Variants in CHCHD3 observed in about 807,000 individuals in gnomAD.
The protein encoded by CHCHD3 is coiled-coil-helix-coiled-coil-helix domain containing 3, also known as MICOS complex subunit MIC19.
In CHCHD3, 20 loss-of-function variants were observed where a neutral mutation model predicts 38.2. The observed-to-expected ratio is 0.52, with a 90% CI of 0.37 to 0.76. The LOEUF is 0.76. Ranked by LOEUF, CHCHD3 falls within the 30% of genes least tolerant of loss-of-function variation. CHCHD3 has a pLI of 0.00. For missense variants in CHCHD3, 245 were observed against 279.2 expected, an observed-to-expected ratio of 0.88 and a Z score of 0.87; for synonymous variants, 82 against 100.0, an observed-to-expected ratio of 0.82 and a Z score of 1.07.
At chr7:133,000,190 G>A (rs1812529951) in intron 3 of CHCHD3, among the ~76,000 whole-genome samples, 1 of 152,126 alleles carries the variant, frequency 6.6e-6, no homozygotes, top group Non-Finnish European at 1.5e-5. Context: ...CAGAGTCATT[G>A]AGAGTCAATT....
intron 1 of CHCHD3, among the ~76,000 whole-genome samples, chr7:133,079,944 AACTT>A (rs1815119512): frequency 6.6e-6 from 1 of 152,242 alleles, no homozygotes; most frequent in African/African-American, 2.4e-5. Flanking sequence ...GGCTACAAGA[AACTT>A]ACAGTGCCAC....
At chr7:132,833,743 T>C (rs1056770865) in intron 6 of CHCHD3, among the ~76,000 whole-genome samples, 2 of 152,224 alleles carry the variant, frequency 1.3e-5, no homozygotes, top group Admixed American at 1.3e-4. Context: ...TATGAGTTAA[T>C]ATCTTAAGCA....
intron 5 of CHCHD3, among the ~76,000 whole-genome samples, chr7:132,838,835 G>A (rs750966262): frequency 4.6e-5 from 7 of 152,032 alleles, no homozygotes; most frequent in Non-Finnish European, 1.0e-4. Flanking sequence ...ACACACATTC[G>A]TATTTATATA....
At chr7:132,989,736 A>G (rs759654556) in intron 3 of CHCHD3, among the ~76,000 whole-genome samples, 6 of 152,120 alleles carry the variant, frequency 3.9e-5, no homozygotes, top group Non-Finnish European at 5.9e-5. Flanking sequence ...TTCACAACCA[A>G]AACTACCTAG....
intron 2 of CHCHD3, among the ~76,000 whole-genome samples, chr7:133,046,571 G>A (rs55716595): frequency 1.5e-5 from 1 of 68,806 alleles, no homozygotes; most frequent in Non-Finnish European, 3.4e-5. Flanking sequence ...GTATTTTTTT[G>A]GGGGGGGGAG....
intron 3 of CHCHD3, among the ~76,000 whole-genome samples, chr7:133,018,540 T>C (rs765744979): frequency 6.6e-6 from 1 of 152,182 alleles, no homozygotes; most frequent in Admixed American, 6.5e-5. Context: ...TACTTACACC[T>C]AGAAATTACA....
At chr7:133,022,826 A>G (rs868024909) in intron 3 of CHCHD3, among the ~76,000 whole-genome samples, 1 of 149,448 alleles carries the variant, frequency 6.7e-6, no homozygotes, top group South Asian at 2.1e-4. Flanking sequence ...GCCAAGGCAG[A>G]GCAAATGGAA....
At chr7:132,792,634 C>T (rs1220248191) in intron 7 of CHCHD3, among the ~76,000 whole-genome samples, 2 of 152,216 alleles carry the variant, frequency 1.3e-5, no homozygotes, top group Non-Finnish European at 2.9e-5. Flanking sequence ...CGCCTATGAA[C>T]AGGCATGCTT....
At chr7:132,795,656 G>A (rs1038360414) in intron 7 of CHCHD3, among the ~76,000 whole-genome samples, 19 of 152,172 alleles carry the variant, frequency 1.2e-4, no homozygotes, top group Non-Finnish European at 2.4e-4. Context: ...ATTTAGTTGG[G>A]TTAGAAGGTC....
chr7:132,863,880 T>G (rs1808551210), intron 5 of CHCHD3, among the ~76,000 whole-genome samples: 1 of 152,228 alleles, frequency 6.6e-6, no homozygotes, highest in Admixed American at 6.5e-5. Flanking sequence ...CTTTCAGCCT[T>G]CGTAGAACTT....
At chr7:133,019,796 G>C (rs1170367792) in intron 3 of CHCHD3, among the ~76,000 whole-genome samples, 1 of 152,194 alleles carries the variant, frequency 6.6e-6, no homozygotes, top group African/African-American at 2.4e-5. Context: ...CCAAAGGTCA[G>C]AGGTCAGAAG....
Position 133,081,991 on chromosome 7 carries a change from G to C in CHCHD3, c.-54C>G. ...TAGCGGGGAACCACGAGCACTTCGG[G>C]GCCCCCGCACCCACACGCGCGTGGA... On this transcript the variant is annotated 5_prime_UTR_variant, in exon 1 of 8. Transcript: ENST00000262570. 4 of 1,466,272 alleles carry C rather than the reference G, an allele frequency of 2.7e-6. No individual in the cohort carries two copies. Among genetic ancestry groups the C allele is most frequent in the Non-Finnish European group, 3.7e-6 (4 of 1,094,654 alleles). The allele number at this position is 1,466,272 out of a possible 1,614,324, so 90.8% of individuals were successfully genotyped here.
Position 132,788,736 on chromosome 7 carries a change from C to T in CHCHD3, c.661-3076G>A, listed in dbSNP as rs959207599. Among the ~76,000 whole-genome samples the T allele has an allele frequency of 1.2e-4, 19 of 152,244 alleles. No individual in the cohort carries two copies. Among genetic ancestry groups the T allele is most frequent in the Non-Finnish European group, 2.2e-4 (15 of 68,020 alleles). Reference sequence around the variant, plus strand: ...CCCTTTAGCCACATTCACAAAATACCGTTACATGTATTAAAATTCTAATCC... The same window carrying T: ...CCCTTTAGCCACATTCACAAAATACTGTTACATGTATTAAAATTCTAATCC... On this transcript the variant is annotated intron_variant, in intron 7 of 7. Coordinates refer to ENST00000262570, the MANE Select transcript of CHCHD3 (RefSeq NM_017812.4). The surrounding 1 kb of genome is among the most constrained non-coding windows in gnomAD (Gnocchi z 4.0).
Position 132,840,393 on chromosome 7 carries a change from T to C in CHCHD3, c.454-1924A>G, listed in dbSNP as rs998857763. 2.6e-5 allele frequency among the ~76,000 whole-genome samples: 4 copies of C among 152,346 alleles called. 1 individual carries two copies. Among genetic ancestry groups the C allele is most frequent in the South Asian group, 4.1e-4 (2 of 4,824 alleles). ...TATGTTACTGAACTATCTACTAAAA[T>C]GCTGGCTAAGCAATAACATCTTAAT... On this transcript the variant is annotated intron_variant, in intron 5 of 7. Coordinates refer to ENST00000262570, the MANE Select transcript of CHCHD3 (RefSeq NM_017812.4).
intron 5 of CHCHD3, among the ~76,000 whole-genome samples, chr7:132,863,685 T>C (rs913001937): frequency 6.6e-6 from 1 of 152,234 alleles, no homozygotes; most frequent in Admixed American, 6.5e-5. Context: ...ATTGAAAATC[T>C]GTTGTTCAGT....
intron 4 of CHCHD3, among the ~76,000 whole-genome samples, chr7:132,904,320 A>C (rs2117208334): frequency 6.6e-6 from 1 of 152,244 alleles, no homozygotes; most frequent in African/African-American, 2.4e-5. Flanking sequence ...GCAGGAATAT[A>C]CCTTAGAAAC....
intron 1 of CHCHD3, among the ~76,000 whole-genome samples, chr7:133,074,636 C>T (rs1212182567): frequency 6.6e-6 from 1 of 152,032 alleles, no homozygotes; most frequent in East Asian, 1.9e-4. Context: ...AATAACACAC[C>T]CCTTCAATCC....
chr7:133,034,697 C>T (rs1584660646), intron 2 of CHCHD3: 1 of 1,613,202 alleles, frequency 6.2e-7, no homozygotes, highest in Non-Finnish European at 8.5e-7. Flanking sequence ...GCGTCTGGGT[C>T]TCCTCTCTGC....
intron 4 of CHCHD3, chr7:132,972,645 T>C (rs945017548): frequency 3.0e-6 from 3 of 985,326 alleles, no homozygotes; most frequent in East Asian, 1.1e-4. Flanking sequence ...GCTGTGGCCA[T>C]GGCAGACCAT....
Sources: gnomAD v4.1 joint callset for allele counts (sites outside exome capture counted in the v4.1 genomes callset) on GRCh38, gnomAD v4.1.1 for gene constraint, Gnocchi (gnomAD v3.1) non-coding constraint, MANE v1.5 for transcripts, NCBI Gene and HGNC (gene_info 2026-07-23, HGNC 2026-07-21) for gene names.